Variants in KCNQ1 observed in about 807,000 individuals in gnomAD.
KCNQ1 encodes potassium voltage-gated channel subfamily KQT member 1.
A neutral mutation model predicts 72.4 loss-of-function variants in KCNQ1; 49 were observed. That is an observed-to-expected ratio of 0.68 (90% CI 0.54 to 0.86). The LOEUF is 0.86. Among genes scored for constraint, KCNQ1 ranks in the 40% least tolerant of loss-of-function variants. KCNQ1 has a pLI of 0.00. For missense variants in KCNQ1, 790 were observed against 945.1 expected, an observed-to-expected ratio of 0.84 and a Z score of 2.15; for synonymous variants, 450 against 412.6, an observed-to-expected ratio of 1.09 and a Z score of -1.10.
At chr11:2,667,057 C>G in intron 11 of KCNQ1, 1 of 398,692 alleles carries the variant, frequency 2.5e-6, no homozygotes, top group Non-Finnish European at 4.4e-6. Context: ...TCAAACCCGT[C>G]TCTGAAATGC....
At position 2,509,866 on chromosome 11, in the gene KCNQ1, T is replaced by G. The variant is rs1484637622; in HGVS notation, c.387-18062T>G. Among the ~76,000 whole-genome samples the G allele has an allele frequency of 9.2e-5, 14 of 152,164 alleles. No homozygotes were observed. In the East Asian group the frequency reaches 2.5e-3, roughly 27 times the overall value. ...AATGGTGGCGTGATGCAGCCTGGCT[T>G]GGGAAATGCCCATGGAGGTGACAAG... On this transcript the variant is annotated intron_variant, in intron 1 of 15. Transcript: ENST00000155840. This position sits in a 1 kb window ranked among gnomAD's most constrained non-coding sequence, Gnocchi z 6.3.
Position 2,723,861 on chromosome 11 carries a change from C to T in KCNQ1, c.1515-44983C>T, listed in dbSNP as rs543662770. On this transcript the variant is annotated intron_variant, in intron 11 of 15. Transcript: ENST00000155840. This position sits in a 1 kb window ranked among gnomAD's most constrained non-coding sequence, Gnocchi z 4.2. The stretch of plus-strand genomic sequence containing the variant: ...ATGACATGGTGGTCAAAGCAAGTCA[C>T]GGATTCCAGGGGGACCTCGGGACGA... 1.3e-5 allele frequency among the ~76,000 whole-genome samples: 2 copies of T among 152,330 alleles called. No homozygotes were observed. The highest frequency in any genetic ancestry group is 2.1e-4 in the South Asian group (1 of 4,828).
At chr11:2,528,513 G>T (rs59840594) in intron 2 of KCNQ1, among the ~76,000 whole-genome samples, 4,830 of 152,308 alleles carry the variant, frequency 0.032, 253 homozygotes, top group East Asian at 0.19. Flanking sequence ...GGTGCTGAGA[G>T]CAGGGCAGGG....
At chr11:2,596,560 C>A in intron 10 of KCNQ1, among the ~76,000 whole-genome samples, 1 of 149,074 alleles carries the variant, frequency 6.7e-6, no homozygotes, top group South Asian at 2.1e-4. Flanking sequence ...TACATTGCAA[C>A]ATAATTATGG....
intron 10 of KCNQ1, among the ~76,000 whole-genome samples, chr11:2,596,184 T>G (rs1222548225): frequency 6.6e-6 from 1 of 152,148 alleles, no homozygotes; most frequent in East Asian, 1.9e-4. Context: ...TGATACCAAG[T>G]GTTGGTAAAG....
rs1023060474 is a variant in KCNQ1, at chr11:2,612,829, T to G, written c.1393+23975T>G. 1 of 398,450 alleles carries G rather than the reference T, an allele frequency of 2.5e-6. No individual in the cohort carries two copies. The highest frequency in any genetic ancestry group is 4.4e-6 in the Non-Finnish European group (1 of 226,058). 24.7% of individuals were successfully genotyped at this position (398,450 alleles called of 1,614,324 possible). Reference sequence around the variant, plus strand: ...TCATTTTTTTTGTTAAAAACTTACTTTAGATAATATATCGTAGAAACTCTG... The same window carrying G: ...TCATTTTTTTTGTTAAAAACTTACTGTAGATAATATATCGTAGAAACTCTG... On this transcript the variant is annotated intron_variant, in intron 10 of 15. Transcript: ENST00000155840. The surrounding 1 kb of genome is among the most constrained non-coding windows in gnomAD (Gnocchi z 5.5).
chr11:2,807,966 A>G (rs1847413264), intron 15 of KCNQ1, among the ~76,000 whole-genome samples: 1 of 152,124 alleles, frequency 6.6e-6, no homozygotes, highest in African/African-American at 2.4e-5. Flanking sequence ...CTCGGTTTCC[A>G]CATCTGTAAG....
rs1368453581 is a variant in KCNQ1 at position 2,673,472 on chromosome 11, AG to A, written c.1514+11392del. The A allele has an allele frequency of 1.0e-5, 4 of 398,502 alleles. No individual in the cohort carries two copies. Among genetic ancestry groups the A allele is most frequent in the African/African-American group, 8.2e-5 (4 of 48,630 alleles). The allele number at this position is 398,502 out of a possible 1,614,324, so 24.7% of individuals were successfully genotyped here. On this transcript the variant is annotated intron_variant, in intron 11 of 15. Coordinates refer to ENST00000155840, the MANE Select transcript of KCNQ1 (RefSeq NM_000218.3). This position sits in a 1 kb window ranked among gnomAD's most constrained non-coding sequence, Gnocchi z 4.5. ...CCTCCTTGAGCCGGAACACCTGAAA[AG>A]CCATACAGACTCCTGCTCATCACAA...
chr11:2,779,974 C>T (rs902232456), intron 15 of KCNQ1, among the ~76,000 whole-genome samples: 8 of 152,248 alleles, frequency 5.3e-5, no homozygotes, highest in African/African-American at 1.9e-4. Flanking sequence ...ATCCTGGTGC[C>T]CTGTCAGGCT....
Position 2,626,446 on chromosome 11 carries a change from T to G in KCNQ1, c.1394-35515T>G, listed in dbSNP as rs1024412975. ...GATCATGTATACAAGGGTTTATTTT[T>G]GGGCTCTCTATTCAATTCCATTGGT... On this transcript the variant is annotated intron_variant, in intron 10 of 15. Transcript: ENST00000155840. This position sits in a 1 kb window ranked among gnomAD's most constrained non-coding sequence, Gnocchi z 4.0. 9 of 398,564 alleles carry G rather than the reference T, an allele frequency of 2.3e-5. No individual in the cohort carries two copies. The highest frequency in any genetic ancestry group is 4.1e-5 in the African/African-American group (2 of 48,650). 24.7% of individuals were successfully genotyped at this position (398,564 alleles called of 1,614,324 possible).
chr11:2,709,220 G>GCCCCCCCCCCC (rs34617956), intron 11 of KCNQ1, among the ~76,000 whole-genome samples: 12 of 130,038 alleles, frequency 9.2e-5, no homozygotes, highest in African/African-American at 1.8e-4. Flanking sequence ...CGGCTTCCAG[G>GCCCCCCCCCCC]CCCCCCCCAC....
intron 1 of KCNQ1, among the ~76,000 whole-genome samples, chr11:2,455,258 C>A (rs182133350): frequency 1.3e-5 from 2 of 152,096 alleles, no homozygotes; most frequent in Non-Finnish European, 2.9e-5. Flanking sequence ...CCACCACGCC[C>A]GGCTAATTTT....
At position 2,623,398 on chromosome 11, in the gene KCNQ1, A is replaced by G. The variant is rs937801517; in HGVS notation, c.1393+34544A>G. Reference sequence around the variant, plus strand: ...TATATTTGTACATTTTCACTGCCCTAAAAGTACTCTGTGCACTGCCTATTC... The same window carrying G: ...TATATTTGTACATTTTCACTGCCCTGAAAGTACTCTGTGCACTGCCTATTC... On this transcript the variant is annotated intron_variant, in intron 10 of 15. Coordinates refer to ENST00000155840, the MANE Select transcript of KCNQ1 (RefSeq NM_000218.3). The surrounding 1 kb of genome is among the most constrained non-coding windows in gnomAD (Gnocchi z 5.2). 1.5e-5 allele frequency: 6 copies of G among 398,484 alleles called. No individual in the cohort carries two copies. Among genetic ancestry groups the G allele is most frequent in the African/African-American group, 1.2e-4 (6 of 48,620 alleles). The allele number at this position is 398,484 out of a possible 1,614,324, so 24.7% of individuals were successfully genotyped here. A position where few individuals can be genotyped will look rare whatever the true frequency, so the allele number is the denominator to read the frequency against.
chr11:2,798,132 C>CG (rs745645268), intron 15 of KCNQ1, among the ~76,000 whole-genome samples: 3 of 151,934 alleles, frequency 2.0e-5, no homozygotes, highest in East Asian at 3.9e-4. Context: ...TCAGTGCCCC[C>CG]ACTTGTGGCC....
intron 6 of KCNQ1, among the ~76,000 whole-genome samples, chr11:2,581,739 A>G (rs1848501675): frequency 6.6e-6 from 1 of 152,266 alleles, no homozygotes; most frequent in Admixed American, 6.5e-5. Context: ...GCACAAGCAC[A>G]GACACGTGCA....
chr11:2,570,140 C>A (rs902579084), intron 2 of KCNQ1, among the ~76,000 whole-genome samples: 2 of 152,086 alleles, frequency 1.3e-5, no homozygotes, highest in African/African-American at 4.8e-5. Context: ...GGGTTCCTGG[C>A]GTGGGACGCC....
chr11:2,630,451 T>C (rs1483101265), intron 10 of KCNQ1: 4 of 398,250 alleles, frequency 1.0e-5, no homozygotes, highest in Non-Finnish European at 1.8e-5. Flanking sequence ...TGTTCCCTCT[T>C]TGTTTGGGGG....
At position 2,626,207 on chromosome 11, in the gene KCNQ1, T is replaced by C; in HGVS notation, c.1394-35754T>C. 1 of 398,620 alleles carries C rather than the reference T, an allele frequency of 2.5e-6. No individual in the cohort carries two copies. The highest frequency in any genetic ancestry group is 4.4e-6 in the Non-Finnish European group (1 of 226,060). The allele number at this position is 398,620 out of a possible 1,614,324, so 24.7% of individuals were successfully genotyped here. A position where few individuals can be genotyped will look rare whatever the true frequency, so the allele number is the denominator to read the frequency against. Reference sequence around the variant, plus strand: ...TCATAGTTTTAGGACTTTGACCCATTTTGAGTAAGTTTTTGTACACAGTGT... The same window carrying C: ...TCATAGTTTTAGGACTTTGACCCATCTTGAGTAAGTTTTTGTACACAGTGT... On this transcript the variant is annotated intron_variant, in intron 10 of 15. Transcript: ENST00000155840. This position sits in a 1 kb window ranked among gnomAD's most constrained non-coding sequence, Gnocchi z 4.0.
At chr11:2,761,970 C>T (rs571161632) in intron 11 of KCNQ1, among the ~76,000 whole-genome samples, 1 of 152,324 alleles carries the variant, frequency 6.6e-6, no homozygotes, top group Admixed American at 6.5e-5. Flanking sequence ...TGAGGAGCCC[C>T]GAGTGTTCTC....
Sources: gnomAD v4.1 joint callset for allele counts (sites outside exome capture counted in the v4.1 genomes callset) on GRCh38, gnomAD v4.1.1 for gene constraint, Gnocchi (gnomAD v3.1) non-coding constraint, MANE v1.5 for transcripts, NCBI Gene and HGNC (gene_info 2026-07-23, HGNC 2026-07-21) for gene names.